FNBP1L: variants seen among roughly 807,000 people sequenced by gnomAD.
FNBP1L encodes formin-binding protein 1-like.
In FNBP1L, 36 loss-of-function variants were observed where a neutral mutation model predicts 91.2. The observed-to-expected ratio is 0.39, with a 90% confidence interval of 0.30 to 0.52. The LOEUF (loss-of-function observed/expected upper bound fraction) is 0.52. Ranked by LOEUF, FNBP1L falls within the 20% of genes least tolerant of loss-of-function variation. The probability of loss-of-function intolerance (pLI) is 0.66; values close to 1 mark genes in which losing one functional copy is unlikely to be tolerated. For synonymous variants in FNBP1L, 242 were observed against 237.0 expected, an observed-to-expected ratio of 1.02 and a Z score of -0.19; for missense variants, 571 against 732.1, an observed-to-expected ratio of 0.78 and a Z score of 2.54.
At chr1:93,469,009 A>G (rs1198899808) in intron 1 of FNBP1L, among the ~76,000 whole-genome samples, 1 of 152,138 alleles carries the variant, frequency 6.6e-6, no homozygotes, top group African/African-American at 2.4e-5. Context: ...ATGACAAATA[A>G]TATTGAGCAT....
At chr1:93,539,904 A>G (rs938211695) in intron 10 of FNBP1L, among the ~76,000 whole-genome samples, 4 of 152,168 alleles carry the variant, frequency 2.6e-5, no homozygotes, top group African/African-American at 9.7e-5. Context: ...AAATTCATTC[A>G]TATTTTTAAT....
intron 2 of FNBP1L, among the ~76,000 whole-genome samples, chr1:93,501,868 C>G (rs571233945): frequency 6.6e-6 from 1 of 152,150 alleles, no homozygotes; most frequent in Non-Finnish European, 1.5e-5. Context: ...GTCCTTTAAT[C>G]TAGCATTTTC....
chr1:93,499,445 G>A, intron 1 of FNBP1L, 23 bp from the exon 2 acceptor site: 4 of 1,447,072 alleles, frequency 2.8e-6, no homozygotes, highest in Non-Finnish European at 2.9e-6. Flanking sequence ...TTTTGAAAAT[G>A]CATTTTTATC....
intron 1 of FNBP1L, among the ~76,000 whole-genome samples, chr1:93,481,107 A>G (rs1411727598): frequency 6.6e-6 from 1 of 152,172 alleles, no homozygotes; most frequent in Non-Finnish European, 1.5e-5. Context: ...CACATAACCA[A>G]TCAGCAGTTG....
chr1:93,514,755 A>T (rs1279978282), intron 2 of FNBP1L, among the ~76,000 whole-genome samples: 1 of 148,800 alleles, frequency 6.7e-6, no homozygotes, highest in Non-Finnish European at 1.5e-5. Flanking sequence ...TACACCTTAT[A>T]CAAAAATCAA....
rs369735884 is a variant in FNBP1L, at chr1:93,450,075, CTT to C, written c.24+1771_24+1772del. ...GGAGGCATGTTATTTAGATTTAACT[CTT>C]AAGATTTTTAAAAAATTCACTTTGT... On this transcript the variant is annotated intron_variant, in intron 1 of 16. Transcript: ENST00000271234. Among the ~76,000 whole-genome samples, 14 of 152,064 alleles carry C rather than the reference CTT, an allele frequency of 9.2e-5. No homozygotes were observed. The East Asian group carries it at 2.7e-3, about 29-fold the overall frequency.
chr1:93,483,802 CCAAATAA>C (rs1356288169), intron 1 of FNBP1L, among the ~76,000 whole-genome samples: 2 of 152,122 alleles, frequency 1.3e-5, no homozygotes, highest in Admixed American at 6.5e-5. Context: ...TATTTGCTTT[CCAAATAA>C]TAAATAGTCT....
Sources: gnomAD v4.1 joint callset for allele counts (sites outside exome capture counted in the v4.1 genomes callset) on GRCh38, gnomAD v4.1.1 for gene constraint, MANE v1.5 for transcripts, NCBI Gene and HGNC (gene_info 2026-07-23, HGNC 2026-07-21) for gene names.